Variants in NTM observed in about 807,000 individuals in gnomAD.
The protein encoded by NTM is IgLON family member 2.
A neutral mutation model predicts 42.1 loss-of-function variants in NTM; 13 were observed. That is an observed-to-expected ratio of 0.31 (90% CI 0.20 to 0.49). The LOEUF (loss-of-function observed/expected upper bound fraction) is 0.49. Among genes scored for constraint, NTM ranks in the 20% least tolerant of loss-of-function variants. The pLI is 0.99. For missense variants in NTM, 373 were observed against 452.8 expected, an observed-to-expected ratio of 0.82 and a Z score of 1.60; for synonymous variants, 187 against 179.2, an observed-to-expected ratio of 1.04 and a Z score of -0.35.
At chr11:132,151,085 ATAAT>A (rs2071796808) in intron 3 of NTM, among the ~76,000 whole-genome samples, 1 of 152,216 alleles carries the variant, frequency 6.6e-6, no homozygotes, top group Non-Finnish European at 1.5e-5. Flanking sequence ...CCTAATAAAC[ATAAT>A]TAATAAGTGG....
intron 3 of NTM, among the ~76,000 whole-genome samples, chr11:132,193,385 C>G (rs1156791570): frequency 2.6e-5 from 4 of 151,856 alleles, no homozygotes; most frequent in Admixed American, 1.3e-4. Flanking sequence ...GGAAGTTAAA[C>G]AACCTGCTCC....
At chr11:132,041,175 C>G (rs2077127171) in intron 2 of NTM, among the ~76,000 whole-genome samples, 1 of 150,834 alleles carries the variant, frequency 6.6e-6, no homozygotes, top group South Asian at 2.1e-4. Context: ...GTTATTTTTG[C>G]TCTGCCTTTT....
chr11:132,190,088 A>G (rs1361309074), intron 3 of NTM, among the ~76,000 whole-genome samples: 3 of 152,222 alleles, frequency 2.0e-5, no homozygotes, highest in South Asian at 4.1e-4. Context: ...CTGTTCAACA[A>G]AATGATTTGA....
At chr11:132,223,229 C>T (rs939819673) in intron 4 of NTM, among the ~76,000 whole-genome samples, 9 of 152,120 alleles carry the variant, frequency 5.9e-5, no homozygotes, top group African/African-American at 1.4e-4. Flanking sequence ...AGACCAAAGC[C>T]CTGGCCTCTC....
intron 1 of NTM, among the ~76,000 whole-genome samples, chr11:131,464,977 A>G (rs1416353165): frequency 6.6e-6 from 1 of 152,216 alleles, no homozygotes; most frequent in Non-Finnish European, 1.5e-5. Context: ...AAGCCTTTGG[A>G]AAAATCACAC....
chr11:131,419,824 CAAATAAAGTGAG>C (rs1947321347), intron 1 of NTM, among the ~76,000 whole-genome samples: 1 of 152,154 alleles, frequency 6.6e-6, no homozygotes, highest in African/African-American at 2.4e-5. Context: ...CCATTACACT[CAAATAAAGTGAG>C]AAATGCTGGC....
At chr11:131,830,630 T>C (rs2042705037) in intron 1 of NTM, among the ~76,000 whole-genome samples, 1 of 152,192 alleles carries the variant, frequency 6.6e-6, no homozygotes, top group Non-Finnish European at 1.5e-5. Context: ...TATTATTGCT[T>C]AGGATTGCTT....
intron 2 of NTM, among the ~76,000 whole-genome samples, chr11:132,027,600 G>T (rs1207856241): frequency 1.3e-5 from 2 of 152,190 alleles, no homozygotes; most frequent in Non-Finnish European, 2.9e-5. Flanking sequence ...TTTCTGAAGA[G>T]AAGTCCAATG....
intron 1 of NTM, among the ~76,000 whole-genome samples, chr11:131,798,131 G>A (rs755429237): frequency 7.4e-4 from 112 of 152,180 alleles, no homozygotes; most frequent in Non-Finnish European, 1.0e-3. Context: ...AACAAGAAAA[G>A]GGTAGTAATA....
intron 2 of NTM, among the ~76,000 whole-genome samples, chr11:132,016,576 A>G (rs1331273006): frequency 2.0e-5 from 3 of 151,954 alleles, no homozygotes; most frequent in African/African-American, 7.2e-5. Context: ...TCCAGATCTG[A>G]GTTATTATGA....
chr11:131,387,833 G>T (rs1436899356), intron 1 of NTM, among the ~76,000 whole-genome samples: 1 of 151,696 alleles, frequency 6.6e-6, no homozygotes, highest in Non-Finnish European at 1.5e-5. Flanking sequence ...ACAAAAGTTT[G>T]TCAAGACTGA....
chr11:131,544,460 T>G (rs2053664741), intron 1 of NTM, among the ~76,000 whole-genome samples: 1 of 152,168 alleles, frequency 6.6e-6, no homozygotes, highest in Non-Finnish European at 1.5e-5. Flanking sequence ...TTATCCCTGT[T>G]GTGAATCCTT....
intron 4 of NTM, among the ~76,000 whole-genome samples, chr11:132,264,459 C>A (rs758102951): frequency 4.6e-5 from 7 of 152,056 alleles, no homozygotes; most frequent in Non-Finnish European, 8.8e-5. Flanking sequence ...ATTTTCTTGT[C>A]TTTTACTTTA....
At chr11:131,407,950 T>C (rs774849442) in intron 1 of NTM, among the ~76,000 whole-genome samples, 1 of 152,240 alleles carries the variant, frequency 6.6e-6, no homozygotes, top group Non-Finnish European at 1.5e-5. Flanking sequence ...GTTTCGTGGA[T>C]GGTACTTATT....
intron 1 of NTM, among the ~76,000 whole-genome samples, chr11:131,684,659 G>A (rs2073568404): frequency 6.6e-6 from 1 of 152,230 alleles, no homozygotes; most frequent in South Asian, 2.1e-4. Context: ...TCCCAGGCCA[G>A]CTCATCATGC....
At chr11:131,536,310 C>T (rs965672403) in intron 1 of NTM, among the ~76,000 whole-genome samples, 10 of 152,110 alleles carry the variant, frequency 6.6e-5, no homozygotes, top group African/African-American at 2.4e-4. Context: ...GAGAGCAAAC[C>T]AATGGCACAT....
At chr11:131,522,491 T>C (rs534262422) in intron 1 of NTM, among the ~76,000 whole-genome samples, 35 of 152,210 alleles carry the variant, frequency 2.3e-4, no homozygotes, top group Non-Finnish European at 4.6e-4. Flanking sequence ...CACAGTTGAA[T>C]TGATGAGCTA....
chr11:131,375,531 G>C (rs913002102), intron 1 of NTM, among the ~76,000 whole-genome samples: 1 of 152,186 alleles, frequency 6.6e-6, no homozygotes, highest in Non-Finnish European at 1.5e-5. Flanking sequence ...CATCTTATCA[G>C]AGAGTGCACT....
chr11:132,143,965 GC>G (rs1473534910), intron 2 of NTM, among the ~76,000 whole-genome samples: 12 of 152,172 alleles, frequency 7.9e-5, no homozygotes, highest in African/African-American at 2.9e-4. Flanking sequence ...TGTCATCAAA[GC>G]CACAAGAAAG....
Sources: allele counts gnomAD v4.1 joint callset (sites outside exome capture counted in the v4.1 genomes callset), GRCh38; gene constraint gnomAD v4.1.1; transcripts MANE v1.5; gene names NCBI Gene and HGNC (gene_info 2026-07-23, HGNC 2026-07-21).